Variants in TDRD1 observed in about 807,000 individuals in gnomAD.
The protein encoded by TDRD1 is tudor domain-containing protein 1.
Under a neutral mutation model 140.6 loss-of-function variants are expected in TDRD1, and 37 were observed. That is an observed-to-expected ratio of 0.26 (90% CI 0.20 to 0.35). The LOEUF (loss-of-function observed/expected upper bound fraction) is 0.35. Among genes scored for constraint, TDRD1 ranks in the 10% least tolerant of loss-of-function variants. TDRD1 has a pLI of 1.00. For synonymous variants in TDRD1, 506 were observed against 475.7 expected (o/e 1.06, Z -0.83); for missense variants, 1,243 against 1,393.0 (o/e 0.89, Z 1.71).
chr10:114,178,356 T>G (rs559066339), upstream of TDRD1, among the ~76,000 whole-genome samples: 2 of 152,262 alleles, frequency 1.3e-5, no homozygotes, highest in South Asian at 4.1e-4. Flanking sequence ...CTTTAAATAT[T>G]AGGTGGTAGA....
exon 6 of TDRD1, chr10:114,202,296 A>C: frequency 6.2e-7 from 1 of 1,601,114 alleles, no homozygotes; most frequent in Non-Finnish European, 8.5e-7. Context: ...GGTAAACAAT[A>C]AGGTATGGTA....
intron 10 of TDRD1, 70 bp from the exon 11 acceptor site, chr10:114,206,174 T>C: frequency 8.3e-7 from 1 of 1,199,408 alleles, no homozygotes; most frequent in Non-Finnish European, 1.2e-6. Flanking sequence ...ACTTGTTTCT[T>C]CTTTACGCTT....
intron 11 of TDRD1, among the ~76,000 whole-genome samples, chr10:114,208,191 G>C (rs1455024107): frequency 6.6e-6 from 1 of 152,196 alleles, no homozygotes; most frequent in Non-Finnish European, 1.5e-5. Flanking sequence ...TATTGGTCAG[G>C]AGGTAAGCTA....
At chr10:114,188,192 C>A in intron 2 of TDRD1, 36 bp downstream of exon 2, 2 of 1,523,434 alleles carry the variant, frequency 1.3e-6, no homozygotes, top group South Asian at 1.3e-5. Flanking sequence ...CTTCTTCATT[C>A]TCATGGTTTC....
At chr10:114,195,318 T>C (rs1428874207) in intron 3 of TDRD1, among the ~76,000 whole-genome samples, 1 of 152,212 alleles carries the variant, frequency 6.6e-6, no homozygotes, top group Non-Finnish European at 1.5e-5. Flanking sequence ...TCGTCTGTTG[T>C]TGGGTCAGAC....
chr10:114,232,444 T>G (rs1056965531), downstream of TDRD1: 4 of 151,860 alleles, frequency 2.6e-5, no homozygotes, highest in African/African-American at 9.7e-5. Context: ...TTTTCATGAT[T>G]TAACTGTCAG....
At chr10:114,222,451 A>G (rs879269300) in intron 20 of TDRD1, 136 bp from the exon 21 acceptor site, 13 of 373,126 alleles carry the variant, frequency 3.5e-5, no homozygotes. Flanking sequence ...TGTATATTTT[A>G]TATACATGTA....
Position 114,206,356 on chromosome 10 carries a change from T to A in TDRD1, c.1384+26T>A, listed in dbSNP as rs906742274. 8.2e-6 allele frequency: 13 copies of A among 1,581,146 alleles called. No individual in the cohort carries two copies. In the African/African-American group the frequency reaches 1.5e-4, roughly 18 times the overall value. On this transcript the variant is annotated intron_variant, in intron 11 of 25. Transcript: ENST00000251864. ...GTGAGTATAGATTGATATTGAACGG[T>A]ATAGCGACTTCAGTTATTGAAGACC...
At chr10:114,185,688 A>G (rs2033461253) in intron 1 of TDRD1, among the ~76,000 whole-genome samples, 1 of 151,924 alleles carries the variant, frequency 6.6e-6, no homozygotes, top group African/African-American at 2.4e-5. Flanking sequence ...CCCAGGATCA[A>G]GCCATTCTCC....
chr10:114,201,459 A>C, exon 5 of TDRD1: 1 of 1,614,086 alleles, frequency 6.2e-7, no homozygotes, highest in South Asian at 1.1e-5. Flanking sequence ...GCTCCACAGC[A>C]TGTCAAAGAA....
chr10:114,193,135 T>C (rs2034099837), intron 3 of TDRD1, among the ~76,000 whole-genome samples: 1 of 152,142 alleles, frequency 6.6e-6, no homozygotes, highest in Admixed American at 6.5e-5. Flanking sequence ...AGCTTACATA[T>C]CCTATGCATG....
chr10:114,202,537 AG>A (rs2034823569), intron 6 of TDRD1, among the ~76,000 whole-genome samples: 1 of 152,168 alleles, frequency 6.6e-6, no homozygotes, highest in Admixed American at 6.5e-5. Flanking sequence ...ATGCCTCTGA[AG>A]GCACAGGTTT....
chr10:114,203,125 A>G, exon 7 of TDRD1: 1 of 1,613,940 alleles, frequency 6.2e-7, no homozygotes, highest in Non-Finnish European at 8.5e-7. Flanking sequence ...CTGAGAGAAT[A>G]ATGTTTTCTG....
At chr10:114,186,055 A>G (rs1306108626) in intron 1 of TDRD1, among the ~76,000 whole-genome samples, 3 of 152,098 alleles carry the variant, frequency 2.0e-5, no homozygotes, top group African/African-American at 7.2e-5. Flanking sequence ...TACTTGGATT[A>G]CTTGGGCTTG....
chr10:114,203,360 T>C, intron 7 of TDRD1, 28 bp from the exon 8 acceptor site: 26 of 1,553,944 alleles, frequency 1.7e-5, no homozygotes, highest in Non-Finnish European at 2.2e-5. Context: ...CCTTATGAAT[T>C]ATTCCTCTTT....
At position 114,184,653 on chromosome 10, in the gene TDRD1, G is replaced by A. The variant is rs80177325; in HGVS notation, c.-6-3173G>A. ...TTTGAGTCTGCTACAGTTTCTGGAG[G>A]TTCTTAATATTTATCCCACTTTTGA... On this transcript the variant is annotated intron_variant, in intron 1 of 25. Transcript: ENST00000251864. Among the ~76,000 whole-genome samples the A allele has an allele frequency of 3.9e-3, 594 of 152,250 alleles. 1 individual carries two copies. The highest frequency in any genetic ancestry group is 0.014 in the African/African-American group (565 of 41,538).
At chr10:114,205,754 T>C (rs2035058592) in intron 10 of TDRD1, among the ~76,000 whole-genome samples, 1 of 152,148 alleles carries the variant, frequency 6.6e-6, no homozygotes, top group African/African-American at 2.4e-5. Context: ...GGATGGTTAA[T>C]GGGTACAAAA....
At chr10:114,178,465 A>G (rs2032773962), upstream of TDRD1, among the ~76,000 whole-genome samples, 1 of 152,210 alleles carries the variant, frequency 6.6e-6, no homozygotes, top group African/African-American at 2.4e-5. Context: ...CATCATCATT[A>G]ATCTTGTCCG....
chr10:114,222,612 G>A (rs764937551), exon 21 of TDRD1: 4 of 1,610,098 alleles, frequency 2.5e-6, no homozygotes, highest in Middle Eastern at 1.7e-4. Flanking sequence ...TGTGCATGTT[G>A]ACAGCTGAAT....
Sources: gnomAD v4.1 joint callset for allele counts (sites outside exome capture counted in the v4.1 genomes callset) on GRCh38, gnomAD v4.1.1 for gene constraint, MANE v1.5 for transcripts, NCBI Gene and HGNC (gene_info 2026-07-23, HGNC 2026-07-21) for gene names.